Variants in CSMD1 observed in about 807,000 individuals in gnomAD.
CSMD1 encodes the protein CUB and sushi domain-containing protein 1.
CSMD1 carries 213 observed loss-of-function variants against 417.5 expected under a neutral mutation model. That is an observed-to-expected ratio of 0.51 (90% CI 0.46 to 0.57). The LOEUF (loss-of-function observed/expected upper bound fraction) is 0.57. Ranked by LOEUF, CSMD1 falls within the 20% of genes least tolerant of loss-of-function variation. CSMD1 has a pLI of 0.00. For missense variants in CSMD1, 6,923 were observed against 4,529.7 expected (o/e 1.53, Z -15.17); for synonymous variants, 2,862 against 1,736.8 (o/e 1.65, Z -16.11).
chr8:4,934,841 T>A (rs114064832), intron 1 of CSMD1, among the ~76,000 whole-genome samples: 2 of 152,056 alleles, frequency 1.3e-5, no homozygotes, highest in East Asian at 1.9e-4. Context: ...CATCCATCTA[T>A]CAATCAATCA....
intron 3 of CSMD1, among the ~76,000 whole-genome samples, chr8:4,400,212 G>C (rs932566115): frequency 6.6e-6 from 1 of 152,308 alleles, no homozygotes; most frequent in South Asian, 2.1e-4. Context: ...CTTGAAGCAA[G>C]CTTGGAAGTT....
chr8:4,004,750 T>C (rs898425565), intron 4 of CSMD1, among the ~76,000 whole-genome samples: 2 of 152,158 alleles, frequency 1.3e-5, no homozygotes, highest in African/African-American at 4.8e-5. Context: ...TTTTTTTGTT[T>C]TGTTTTGTTT....
chr8:4,543,622 G>T (rs1177457634), intron 2 of CSMD1, among the ~76,000 whole-genome samples: 1 of 123,772 alleles, frequency 8.1e-6, no homozygotes, highest in Non-Finnish European at 1.6e-5. Context: ...ATTCATTTCA[G>T]TAGATACCTA....
intron 22 of CSMD1, 132 bp from the exon 23 acceptor site, chr8:3,343,582 A>G (rs1361131154): frequency 1.4e-6 from 1 of 733,870 alleles, no homozygotes; most frequent in Non-Finnish European, 2.1e-6. Flanking sequence ...GTTTACAGAA[A>G]GATAAATGAA....
intron 3 of CSMD1, among the ~76,000 whole-genome samples, chr8:4,291,613 G>A (rs1189452747): frequency 6.6e-6 from 1 of 152,090 alleles, no homozygotes; most frequent in Admixed American, 6.5e-5. Flanking sequence ...CATTTTTCTT[G>A]TGATATGTTT....
chr8:3,590,662 T>C (rs1174317576), intron 8 of CSMD1, among the ~76,000 whole-genome samples: 3 of 152,134 alleles, frequency 2.0e-5, no homozygotes, highest in Admixed American at 2.0e-4. Context: ...TTCTCTAATT[T>C]CAAAGCATTA....
At chr8:3,848,469 A>C (rs1206927163) in intron 5 of CSMD1, among the ~76,000 whole-genome samples, 2 of 151,160 alleles carry the variant, frequency 1.3e-5, no homozygotes, top group African/African-American at 4.9e-5. Flanking sequence ...TGAGTACTTA[A>C]TTCAGTTAAT....
chr8:3,995,041 C>A (rs1965490), intron 5 of CSMD1, among the ~76,000 whole-genome samples: 74,116 of 151,958 alleles, frequency 0.49, 18,273 homozygotes, highest in East Asian at 0.62. Flanking sequence ...CCTGTCTATG[C>A]AATTCGGGAA....
At chr8:4,001,133 A>G (rs924086843) in intron 4 of CSMD1, among the ~76,000 whole-genome samples, 1 of 152,192 alleles carries the variant, frequency 6.6e-6, no homozygotes, top group Non-Finnish European at 1.5e-5. Context: ...TCTATTATTT[A>G]AAAAGCTTTG....
intron 1 of CSMD1, among the ~76,000 whole-genome samples, chr8:4,741,244 T>C (rs932770501): frequency 2.1e-4 from 32 of 152,154 alleles, no homozygotes; most frequent in Non-Finnish European, 4.6e-4. Flanking sequence ...TTTTACTAAT[T>C]AGGCTTAAAG....
At chr8:4,633,093 C>G (rs190446877) in intron 2 of CSMD1, among the ~76,000 whole-genome samples, 1 of 152,054 alleles carries the variant, frequency 6.6e-6, no homozygotes, top group South Asian at 2.1e-4. Flanking sequence ...TCAGTGTTCC[C>G]GAGAGGGGAG....
chr8:3,029,568 C>T (rs1357475050), intron 50 of CSMD1, 55 bp from the exon 51 acceptor site: 1 of 1,476,102 alleles, frequency 6.8e-7, no homozygotes, highest in African/African-American at 1.4e-5. Flanking sequence ...AAACATCAGA[C>T]CGTGCTTGCT....
At chr8:4,355,349 T>C (rs559848754) in intron 3 of CSMD1, among the ~76,000 whole-genome samples, 86 of 151,526 alleles carry the variant, frequency 5.7e-4, no homozygotes, top group African/African-American at 2.0e-3. Context: ...GTATATATGA[T>C]ATATATACAC....
intron 3 of CSMD1, among the ~76,000 whole-genome samples, chr8:4,321,986 A>C (rs1253587103): frequency 6.6e-6 from 1 of 152,078 alleles, no homozygotes; most frequent in Non-Finnish European, 1.5e-5. Flanking sequence ...AGACATTGTT[A>C]ATTATCTTCA....
intron 11 of CSMD1, among the ~76,000 whole-genome samples, chr8:3,491,600 C>A (rs977155112): frequency 6.6e-6 from 1 of 152,228 alleles, no homozygotes; most frequent in South Asian, 2.1e-4. Flanking sequence ...GTCCAAGATT[C>A]GACGAATGAA....
At chr8:3,743,893 T>G (rs1796936295) in intron 6 of CSMD1, among the ~76,000 whole-genome samples, 1 of 152,216 alleles carries the variant, frequency 6.6e-6, no homozygotes, top group Non-Finnish European at 1.5e-5. Flanking sequence ...ATTCCCTGCC[T>G]TTTCCTCTGC....
intron 3 of CSMD1, among the ~76,000 whole-genome samples, chr8:4,035,543 G>C (rs748719962): frequency 3.9e-5 from 6 of 152,220 alleles, no homozygotes; most frequent in South Asian, 4.1e-4. Flanking sequence ...CAAGGTGGAA[G>C]AGATGACCCC....
At chr8:4,787,089 C>G (rs929974746) in intron 1 of CSMD1, among the ~76,000 whole-genome samples, 4 of 152,170 alleles carry the variant, frequency 2.6e-5, no homozygotes, top group Admixed American at 1.3e-4. Flanking sequence ...TTACTGATAG[C>G]AGGGTGATAC....
At chr8:4,201,244 T>G (rs543429820) in intron 3 of CSMD1, among the ~76,000 whole-genome samples, 1 of 152,106 alleles carries the variant, frequency 6.6e-6, no homozygotes, top group South Asian at 2.1e-4. Context: ...TGGTTGTAAG[T>G]AAAAAAATTC....
Sources: allele counts gnomAD v4.1 joint callset (sites outside exome capture counted in the v4.1 genomes callset), GRCh38; gene constraint gnomAD v4.1.1; transcripts MANE v1.5; gene names NCBI Gene and HGNC (gene_info 2026-07-23, HGNC 2026-07-21).